The following CMTM7 variants were observed in gnomAD, a reference collection of about 807,000 sequenced individuals.
The protein encoded by CMTM7 is CKLF-like MARVEL transmembrane domain-containing protein 7.
In CMTM7, 7 loss-of-function variants were observed where a neutral mutation model predicts 19.3. The ratio of observed to expected loss-of-function variants is 0.36; its 90% CI spans 0.21 to 0.68. The LOEUF is 0.68. CMTM7 is among the 30% of genes least tolerant of loss of function. The pLI is 0.60. For missense variants in CMTM7, 193 were observed against 232.6 expected (o/e 0.83, Z 1.11); for synonymous variants, 87 against 99.3 (o/e 0.88, Z 0.74).
Position 32,392,025 on chromosome 3 carries a change from AC to A in CMTM7, c.124del (p.Arg42AlafsTer7), listed in dbSNP as rs1249687461. The A allele has an allele frequency of 8.1e-7, 1 of 1,234,834 alleles. No individual in the cohort carries two copies. 76.5% of individuals were successfully genotyped at this position (1,234,834 alleles called of 1,614,324 possible). ...SPLEGLLDLS[Y>X]PRTHAALLKV... ...TTGGAGGGGCTGCTGGACCTCAGCT[AC>A]CCCCGCACCCACGCGGCCCTGCTGA... On this transcript the variant is annotated frameshift_variant, in exon 1 of 5. Transcript: ENST00000334983. LOFTEE classifies it high-confidence loss of function.
At chr3:32,442,101 GC>G (rs1315299236) in intron 2 of CMTM7, 88 bp downstream of exon 2, 2 of 1,241,516 alleles carry the variant, frequency 1.6e-6, no homozygotes, top group Non-Finnish European at 2.3e-6. Flanking sequence ...TTTCCCGTCT[GC>G]CCATCTCACC....
intron 1 of CMTM7, among the ~76,000 whole-genome samples, chr3:32,416,009 A>G (rs1213728458): frequency 6.6e-6 from 1 of 152,214 alleles, no homozygotes; most frequent in African/African-American, 2.4e-5. Flanking sequence ...GACTTAGCAT[A>G]GACATCAAGG....
chr3:32,416,351 A>T (rs1575113965), intron 1 of CMTM7, among the ~76,000 whole-genome samples: 1 of 132,354 alleles, frequency 7.6e-6, no homozygotes, highest in African/African-American at 3.0e-5. Context: ...GTGCGCCACC[A>T]TCCGGGCTAA....
At chr3:32,393,784 A>G (rs1695875263) in intron 1 of CMTM7, among the ~76,000 whole-genome samples, 1 of 151,638 alleles carries the variant, frequency 6.6e-6, no homozygotes, top group Non-Finnish European at 1.5e-5. Context: ...AAAAAAAAAA[A>G]AAAAAAAGGT....
At chr3:32,403,100 C>T (rs908378215) in intron 1 of CMTM7, among the ~76,000 whole-genome samples, 5 of 152,218 alleles carry the variant, frequency 3.3e-5, no homozygotes, top group Admixed American at 1.3e-4. Flanking sequence ...ACACTTTAAA[C>T]GTTTCCTCTT....
intron 1 of CMTM7, among the ~76,000 whole-genome samples, chr3:32,428,786 G>A (rs1696471239): frequency 6.6e-6 from 1 of 152,168 alleles, no homozygotes; most frequent in Admixed American, 6.5e-5. Flanking sequence ...GCTCCAGAAG[G>A]TTTCTTCTAT....
Position 32,431,542 on chromosome 3 carries a change from G to A in CMTM7, c.160-10298G>A, listed in dbSNP as rs1025599829. Reference sequence around the variant, plus strand: ...GTGTTAAACTATGGACTTGCCTTCTGTCACCCAGCTCTCAGTGCTCACTCC... The same window carrying A: ...GTGTTAAACTATGGACTTGCCTTCTATCACCCAGCTCTCAGTGCTCACTCC... On this transcript the variant is annotated intron_variant, in intron 1 of 4. Transcript: ENST00000334983. Among the ~76,000 whole-genome samples, 7 of 152,112 alleles carry A rather than the reference G, an allele frequency of 4.6e-5. No homozygotes were observed. The South Asian group carries it at 6.2e-4, about 13-fold the overall frequency.
At chr3:32,415,975 C>G (rs1390051197) in intron 1 of CMTM7, among the ~76,000 whole-genome samples, 2 of 152,192 alleles carry the variant, frequency 1.3e-5, no homozygotes, top group Admixed American at 1.3e-4. Context: ...TAGAGCATGT[C>G]ATACATGCCA....
intron 1 of CMTM7, among the ~76,000 whole-genome samples, chr3:32,418,799 ACT>A (rs1162008106): frequency 6.6e-6 from 1 of 152,226 alleles, no homozygotes; most frequent in Non-Finnish European, 1.5e-5. Flanking sequence ...GATTACTGTA[ACT>A]TAATAGTAAA....
At chr3:32,441,269 C>T (rs1430229453) in intron 1 of CMTM7, among the ~76,000 whole-genome samples, 3 of 152,176 alleles carry the variant, frequency 2.0e-5, no homozygotes, top group African/African-American at 7.2e-5. Flanking sequence ...CTCCGTTTCC[C>T]CTTATGAACA....
At chr3:32,412,799 A>G (rs1165664783) in intron 1 of CMTM7, among the ~76,000 whole-genome samples, 4 of 152,186 alleles carry the variant, frequency 2.6e-5, no homozygotes, top group Non-Finnish European at 5.9e-5. Flanking sequence ...CTGTTACCCT[A>G]CTGACAATAA....
At chr3:32,407,098 C>G (rs1441654667) in intron 1 of CMTM7, among the ~76,000 whole-genome samples, 1 of 152,158 alleles carries the variant, frequency 6.6e-6, no homozygotes, top group Non-Finnish European at 1.5e-5. Flanking sequence ...TGCTGGTATT[C>G]CATAGGAGCC....
At position 32,452,165 on chromosome 3, in the gene CMTM7, C is replaced by T. The variant is rs1375463220; in HGVS notation, c.433-227C>T. 4.0e-6 allele frequency: 6 copies of T among 1,502,500 alleles called. No homozygotes were observed. In the East Asian group the frequency reaches 1.3e-4, roughly 33 times the overall value. 93.1% of individuals were successfully genotyped at this position (1,502,500 alleles called of 1,614,324 possible). A position where few individuals can be genotyped will look rare whatever the true frequency, so the allele number is the denominator to read the frequency against. ...GAGTGAAGACCGAGAGGCCTGGCTG[C>T]CAGCCCTGACCTGGCCCAACCTGGA... On this transcript the variant is annotated intron_variant, in intron 3 of 4. Coordinates refer to ENST00000334983, the MANE Select transcript of CMTM7 (RefSeq NM_138410.4).
intron 1 of CMTM7, among the ~76,000 whole-genome samples, chr3:32,425,493 GAA>G (rs5847764): frequency 5.8e-4 from 85 of 147,492 alleles, no homozygotes; most frequent in African/African-American, 8.9e-4. Context: ...GACTTTCCAG[GAA>G]AAAAAAAAAA....
intron 1 of CMTM7, among the ~76,000 whole-genome samples, chr3:32,435,260 C>T (rs1696580398): frequency 6.6e-6 from 1 of 152,028 alleles, no homozygotes; most frequent in Non-Finnish European, 1.5e-5. Context: ...AAAAATTAGC[C>T]GGGCGTGGTG....
At chr3:32,399,134 G>T (rs539956828) in intron 1 of CMTM7, among the ~76,000 whole-genome samples, 1 of 152,246 alleles carries the variant, frequency 6.6e-6, no homozygotes, top group South Asian at 2.1e-4. Flanking sequence ...CCAAATCTTG[G>T]TGAATATATA....
chr3:32,424,170 T>G (rs567180509), intron 1 of CMTM7, among the ~76,000 whole-genome samples: 1 of 152,282 alleles, frequency 6.6e-6, no homozygotes, highest in East Asian at 1.9e-4. Flanking sequence ...AGGCTTACTG[T>G]CTCACATTGC....
chr3:32,437,704 A>T (rs1298700849), intron 1 of CMTM7, among the ~76,000 whole-genome samples: 1 of 152,138 alleles, frequency 6.6e-6, no homozygotes, highest in Non-Finnish European at 1.5e-5. Flanking sequence ...TCTCCTGGCC[A>T]ACATGGTGAA....
At chr3:32,440,720 G>A (rs1356752670) in intron 1 of CMTM7, among the ~76,000 whole-genome samples, 1 of 152,248 alleles carries the variant, frequency 6.6e-6, no homozygotes, top group Non-Finnish European at 1.5e-5. Context: ...AGAGGTTGCA[G>A]TGAGCTGAGA....
Sources: gnomAD v4.1 joint callset for allele counts (sites outside exome capture counted in the v4.1 genomes callset) on GRCh38, gnomAD v4.1.1 for gene constraint, MANE v1.5 for transcripts, NCBI Gene and HGNC (gene_info 2026-07-23, HGNC 2026-07-21) for gene names.